Variants in TRHDE observed in about 807,000 individuals in gnomAD.
TRHDE encodes thyrotropin releasing hormone degrading enzyme.
In TRHDE, 72 loss-of-function variants were observed where a neutral mutation model predicts 125.7. The ratio of observed to expected loss-of-function variants is 0.57; its 90% CI spans 0.47 to 0.70. The LOEUF (loss-of-function observed/expected upper bound fraction) is 0.70. Ranked by LOEUF, TRHDE falls within the 30% of genes least tolerant of loss-of-function variation. The pLI, the probability that TRHDE is intolerant of heterozygous loss-of-function variation, is 0.00. For missense variants in TRHDE, 1,110 were observed against 1,327.1 expected (o/e 0.84, Z 2.54); for synonymous variants, 509 against 509.1 (o/e 1.00, Z 0.00).
At chr12:72,633,874 T>C (rs1369088008) in intron 15 of TRHDE, among the ~76,000 whole-genome samples, 1 of 152,152 alleles carries the variant, frequency 6.6e-6, no homozygotes, top group East Asian at 1.9e-4. Flanking sequence ...TCACTTTCAG[T>C]GAGATTCTTA....
intron 2 of TRHDE, among the ~76,000 whole-genome samples, chr12:72,185,762 A>G (rs544594859): frequency 2.5e-4 from 38 of 151,534 alleles, no homozygotes; most frequent in Non-Finnish European, 4.3e-4. Context: ...CTTTATGTCT[A>G]GCTCAGGGAT....
At chr12:72,353,759 A>T (rs1391746033) in intron 2 of TRHDE, among the ~76,000 whole-genome samples, 1 of 151,674 alleles carries the variant, frequency 6.6e-6, no homozygotes, top group Non-Finnish European at 1.5e-5. Context: ...TCAAATTTGC[A>T]AAAGTGGGAG....
At chr12:72,157,969 A>G (rs1876554944) in intron 2 of TRHDE, among the ~76,000 whole-genome samples, 2 of 152,196 alleles carry the variant, frequency 1.3e-5, no homozygotes, top group South Asian at 2.1e-4. Flanking sequence ...AAGGTGTGGC[A>G]TCTCAAAAAC....
intron 6 of TRHDE, 106 bp from the exon 7 acceptor site, chr12:72,542,185 T>C (rs1025598175): frequency 1.7e-5 from 12 of 689,908 alleles, no homozygotes; most frequent in Admixed American, 1.4e-4. Context: ...TTAATTATTT[T>C]TGAAAATAGA....
chr12:72,130,794 T>C (rs1875842512), intron 2 of TRHDE, among the ~76,000 whole-genome samples: 1 of 152,016 alleles, frequency 6.6e-6, no homozygotes. Context: ...CTCAGAAAAA[T>C]ACAAATTAAT....
At chr12:72,644,087 T>C (rs1307559863) in intron 15 of TRHDE, among the ~76,000 whole-genome samples, 1 of 152,158 alleles carries the variant, frequency 6.6e-6, no homozygotes, top group Non-Finnish European at 1.5e-5. Flanking sequence ...AACACAATGA[T>C]TCAGCAACAA....
rs141621631 is a variant in TRHDE, at chr12:72,401,474, C to T, written c.1315+23353C>T. Among the ~76,000 whole-genome samples the T allele has an allele frequency of 4.9e-4, 74 of 152,276 alleles. No individual in the cohort carries two copies. In the East Asian group the frequency reaches 0.012, roughly 25 times the overall value. ...TGCACCCAAGTAATGCACTCCAGAG[C>T]CAGCAACTGACCATTACATCAACAG... On this transcript the variant is annotated intron_variant, in intron 3 of 18. Coordinates refer to ENST00000261180, the MANE Select transcript of TRHDE (RefSeq NM_013381.3).
Position 72,625,913 on chromosome 12 carries a change from C to A in TRHDE, c.2675+4162C>A, listed in dbSNP as rs148111073. Among the ~76,000 whole-genome samples the A allele has an allele frequency of 3.9e-3, 591 of 152,084 alleles. 2 individuals are homozygous for A. Among genetic ancestry groups the A allele is most frequent in the South Asian group, 8.9e-3 (43 of 4,820 alleles). ...TTGTCCTACAGACCTCAAGTACTCA[C>A]TTCGGTGAGTAAGCAACAGCTTTAT... On this transcript the variant is annotated intron_variant, in intron 15 of 18. Coordinates refer to ENST00000261180, the MANE Select transcript of TRHDE (RefSeq NM_013381.3).
chr12:72,321,029 A>G (rs1380398975), intron 2 of TRHDE, among the ~76,000 whole-genome samples: 1 of 152,222 alleles, frequency 6.6e-6, no homozygotes, highest in Admixed American at 6.5e-5. Context: ...TGGGAAATGT[A>G]TCTACCATAG....
chr12:72,592,857 C>T (rs570352972), intron 12 of TRHDE, among the ~76,000 whole-genome samples: 40 of 152,094 alleles, frequency 2.6e-4, no homozygotes, highest in African/African-American at 9.4e-4. Flanking sequence ...ATTACAGACA[C>T]CTGCCACTAT....
intron 7 of TRHDE, among the ~76,000 whole-genome samples, chr12:72,553,086 G>A (rs1869751579): frequency 6.6e-6 from 1 of 152,186 alleles, no homozygotes; most frequent in South Asian, 2.1e-4. Flanking sequence ...GAATGAAAGT[G>A]AGATGAGAGT....
chr12:72,468,633 A>G (rs1187078970), intron 3 of TRHDE, among the ~76,000 whole-genome samples: 1 of 152,164 alleles, frequency 6.6e-6, no homozygotes, highest in Middle Eastern at 3.2e-3. Flanking sequence ...CCAGGAAGCA[A>G]GGAGCGCTAG....
chr12:72,470,586 C>A (rs1288224137), intron 4 of TRHDE, among the ~76,000 whole-genome samples: 4 of 152,130 alleles, frequency 2.6e-5, no homozygotes, highest in Non-Finnish European at 5.9e-5. Context: ...AAAAAAATCA[C>A]TGAAAATAGA....
intron 6 of TRHDE, among the ~76,000 whole-genome samples, chr12:72,520,805 A>G (rs993137635): frequency 3.3e-5 from 5 of 152,222 alleles, no homozygotes; most frequent in Admixed American, 2.0e-4. Flanking sequence ...ACGCATCAAC[A>G]TAGCACAATT....
Position 72,493,136 on chromosome 12 carries a change from C to G in TRHDE, c.1585-6362C>G, listed in dbSNP as rs77722629. Among the ~76,000 whole-genome samples, 784 of 151,992 alleles carry G rather than the reference C, an allele frequency of 5.2e-3. 6 individuals are homozygous for G. The highest frequency in any genetic ancestry group is 8.8e-3 in the Non-Finnish European group (596 of 67,828). On this transcript the variant is annotated intron_variant, in intron 5 of 18. Transcript: ENST00000261180. ...ATTATTCAAGCATTATAATTTTAGT[C>G]AGACATTCTATTTGTTTGATTCCAA... is the stretch of plus-strand genomic sequence containing the variant.
chr12:72,273,087 CG>C lies in TRHDE; in HGVS notation c.448del (p.Asp150ThrfsTer41). 6.6e-7 allele frequency: 1 copy of C among 1,524,388 alleles called. No individual in the cohort carries two copies. Among genetic ancestry groups the C allele is most frequent in the Non-Finnish European group, 8.8e-7 (1 of 1,138,110 alleles). 94.4% of individuals were successfully genotyped at this position (1,524,388 alleles called of 1,614,324 possible). ...GSARRNHHAG[G>X]DSWQPEAGGV... ...CGGCCCGGCGCAACCACCACGCAGG[CG>C]GGGACTCCTGGCAGCCCGAGGCGGG... is the stretch of plus-strand genomic sequence containing the variant. On this transcript the variant is annotated frameshift_variant, in exon 1 of 19. Coordinates refer to ENST00000261180, the MANE Select transcript of TRHDE (RefSeq NM_013381.3). LOFTEE classifies it high-confidence loss of function. This position sits in a 1 kb window ranked among gnomAD's most constrained non-coding sequence, Gnocchi z 5.3.
chr12:72,232,145 CCATGCAGGGCA>C (rs1248858641), intron 2 of TRHDE, among the ~76,000 whole-genome samples: 4 of 152,108 alleles, frequency 2.6e-5, no homozygotes, highest in Non-Finnish European at 5.9e-5. Context: ...GTACACCAGG[CCATGCAGGGCA>C]ACATGGGAAG....
At chr12:72,229,508 A>G (rs1419775227) in intron 2 of TRHDE, among the ~76,000 whole-genome samples, 3 of 152,172 alleles carry the variant, frequency 2.0e-5, no homozygotes, top group Non-Finnish European at 4.4e-5. Flanking sequence ...CCATATCAAT[A>G]TGCATCCAGA....
At chr12:72,149,907 C>T (rs193037066) in intron 2 of TRHDE, among the ~76,000 whole-genome samples, 1 of 152,034 alleles carries the variant, frequency 6.6e-6, no homozygotes, top group South Asian at 2.1e-4. Context: ...TATGGATACT[C>T]CATAAGTACT....
Sources: allele counts gnomAD v4.1 joint callset (sites outside exome capture counted in the v4.1 genomes callset), GRCh38; gene constraint gnomAD v4.1.1; non-coding constraint Gnocchi (gnomAD v3.1); transcripts MANE v1.5; gene names NCBI Gene and HGNC (gene_info 2026-07-23, HGNC 2026-07-21).